The following RAPGEF6 variants were observed in gnomAD, a reference collection of about 807,000 sequenced individuals.
The protein encoded by RAPGEF6 is Rap guanine nucleotide exchange factor 6.
RAPGEF6 carries 56 observed loss-of-function variants against 171.4 expected under a neutral mutation model. The ratio of observed to expected loss-of-function variants is 0.33; its 90% confidence interval spans 0.26 to 0.41. The LOEUF (loss-of-function observed/expected upper bound fraction) is 0.41, where lower values mean the gene tolerates loss of function less well. RAPGEF6 is among the 10% of genes least tolerant of loss of function. The pLI, the probability that RAPGEF6 is intolerant of heterozygous loss-of-function variation, is 1.00. For synonymous variants in RAPGEF6, 692 were observed against 650.1 expected (o/e 1.06, Z -0.98); for missense variants, 1,674 against 1,921.4 (o/e 0.87, Z 2.41).
chr5:131,597,030 T>G (rs983731557), intron 3 of RAPGEF6, among the ~76,000 whole-genome samples: 1 of 151,268 alleles, frequency 6.6e-6, no homozygotes, highest in African/African-American at 2.4e-5. Context: ...AAAAACTTAA[T>G]AGCAAAAAAA....
At chr5:131,486,415 G>A (rs1273978040) in intron 15 of RAPGEF6, among the ~76,000 whole-genome samples, 4 of 152,186 alleles carry the variant, frequency 2.6e-5, no homozygotes, top group African/African-American at 9.7e-5. Flanking sequence ...GTAGAAAGTT[G>A]ACACAAGTTT....
At chr5:131,529,486 T>A (rs35771899) in intron 6 of RAPGEF6, among the ~76,000 whole-genome samples, 94,677 of 147,130 alleles carry the variant, frequency 0.64, 30,361 homozygotes, top group Middle Eastern at 0.77. Context: ...AAAAAAAAAA[T>A]AATAATCTCA....
chr5:131,593,422 T>G (rs745660490), intron 3 of RAPGEF6, among the ~76,000 whole-genome samples: 6 of 152,206 alleles, frequency 3.9e-5, no homozygotes, highest in Non-Finnish European at 8.8e-5. Context: ...ATACAAATTA[T>G]TAGTAATAGT....
At position 131,514,610 on chromosome 5, in the gene RAPGEF6, AAAAC is replaced by A. The variant is rs532581184; in HGVS notation, c.628-4123_628-4120del. Reference sequence around the variant, plus strand: ...CAAATAAGTTCAAGAATTTAGAAGAAAAACAATTAGAGGAAAAATGGATAATCTC... The same window carrying A: ...CAAATAAGTTCAAGAATTTAGAAGAAAATTAGAGGAAAAATGGATAATCTC... On this transcript the variant is annotated intron_variant, in intron 7 of 27. Transcript: ENST00000509018. 5.6e-3 allele frequency among the ~76,000 whole-genome samples: 850 copies of A among 152,298 alleles called. 26 individuals are homozygous for A. Among genetic ancestry groups the A allele is most frequent in the Middle Eastern group, 3.4e-3 (1 of 294 alleles).
chr5:131,620,855 G>A (rs1452441900), intron 1 of RAPGEF6, among the ~76,000 whole-genome samples: 1 of 152,186 alleles, frequency 6.6e-6, no homozygotes, highest in East Asian at 1.9e-4. Flanking sequence ...GCCTCTCAAA[G>A]TGCTGAGATT....
At chr5:131,520,953 T>C (rs778539672) in intron 7 of RAPGEF6, among the ~76,000 whole-genome samples, 10 of 152,194 alleles carry the variant, frequency 6.6e-5, no homozygotes, top group Non-Finnish European at 1.5e-4. Context: ...TAATTTGCTA[T>C]TTAATTCACG....
chr5:131,583,003 CAG>C (rs1561581704), intron 4 of RAPGEF6, among the ~76,000 whole-genome samples: 1 of 152,172 alleles, frequency 6.6e-6, no homozygotes, highest in Non-Finnish European at 1.5e-5. Context: ...ACATATTATG[CAG>C]AGAGATGAAA....
At chr5:131,516,402 T>G (rs1461131049) in intron 7 of RAPGEF6, among the ~76,000 whole-genome samples, 1 of 151,994 alleles carries the variant, frequency 6.6e-6, no homozygotes, top group South Asian at 2.1e-4. Context: ...GTGACTTGAG[T>G]TGACAAAAGA....
intron 3 of RAPGEF6, 74 bp from the exon 4 acceptor site, chr5:131,592,540 T>C: frequency 6.5e-6 from 10 of 1,527,492 alleles, no homozygotes; most frequent in Non-Finnish European, 8.8e-6. Context: ...CAATAAGAAA[T>C]ATATTCTGAT....
chr5:131,523,517 CTTAA>C (rs1277517348), intron 6 of RAPGEF6, among the ~76,000 whole-genome samples: 1 of 151,548 alleles, frequency 6.6e-6, no homozygotes, highest in African/African-American at 2.4e-5. Context: ...AACAAGTGGG[CTTAA>C]TTAAAGATTT....
At chr5:131,519,881 A>G (rs768707508) in intron 7 of RAPGEF6, among the ~76,000 whole-genome samples, 1 of 152,218 alleles carries the variant, frequency 6.6e-6, no homozygotes, top group Middle Eastern at 3.2e-3. Context: ...AGGGGCAGAA[A>G]GCATGAAGCC....
intron 6 of RAPGEF6, among the ~76,000 whole-genome samples, chr5:131,542,383 T>G (rs1034663890): frequency 1.3e-5 from 2 of 152,152 alleles, no homozygotes; most frequent in African/African-American, 4.8e-5. Flanking sequence ...CATTTAATCC[T>G]TTTACAAATC....
intron 1 of RAPGEF6, among the ~76,000 whole-genome samples, chr5:131,620,490 G>C (rs374870489): frequency 7.9e-5 from 12 of 152,082 alleles, no homozygotes; most frequent in African/African-American, 2.4e-4. Context: ...TTCTACTTTC[G>C]AAATATCTCC....
chr5:131,431,936 T>C (rs73786672), intron 25 of RAPGEF6, among the ~76,000 whole-genome samples: 3,291 of 152,262 alleles, frequency 0.022, 126 homozygotes, highest in African/African-American at 0.075. Flanking sequence ...AAGAATCATG[T>C]TTTATTTTTC....
Position 131,604,697 on chromosome 5 carries a change from T to G in RAPGEF6, c.70-4A>C, listed in dbSNP as rs750666329. On this transcript the variant is annotated splice_region_variant and splice_polypyrimidine_tract_variant and intron_variant, in intron 1 of 27. Coordinates refer to ENST00000509018, the MANE Select transcript of RAPGEF6 (RefSeq NM_016340.6). ...AAGAATAAATAGTATTTAAGTCCTG[T>G]GGAACAGAAGAAAAAAATTAGATTA... 1.3e-6 allele frequency: 2 copies of G among 1,599,456 alleles called. No homozygotes were observed. The highest frequency in any genetic ancestry group is 4.5e-5 in the East Asian group (2 of 44,638).
intron 7 of RAPGEF6, among the ~76,000 whole-genome samples, chr5:131,517,070 G>T (rs1279820385): frequency 1.3e-5 from 2 of 152,084 alleles, no homozygotes; most frequent in African/African-American, 4.8e-5. Context: ...CTAACAATTG[G>T]GTACACATGG....
At chr5:131,555,644 T>C (rs566807193) in intron 5 of RAPGEF6, among the ~76,000 whole-genome samples, 7 of 152,146 alleles carry the variant, frequency 4.6e-5, no homozygotes, top group African/African-American at 1.7e-4. Context: ...ATATTACCTA[T>C]ACATATATAA....
At chr5:131,537,105 T>A (rs1024112817) in intron 6 of RAPGEF6, among the ~76,000 whole-genome samples, 13 of 152,322 alleles carry the variant, frequency 8.5e-5, no homozygotes, top group South Asian at 8.3e-4. Flanking sequence ...TTATTCCCCT[T>A]CCAACTGGAA....
At chr5:131,532,184 T>C (rs1458137475) in intron 6 of RAPGEF6, 3 of 442,960 alleles carry the variant, frequency 6.8e-6, no homozygotes, top group Middle Eastern at 3.3e-4. Flanking sequence ...AGTTTCCTTT[T>C]CAAACCAGAG....
Sources: gnomAD v4.1 joint callset for allele counts (sites outside exome capture counted in the v4.1 genomes callset) on GRCh38, gnomAD v4.1.1 for gene constraint, MANE v1.5 for transcripts, NCBI Gene and HGNC (gene_info 2026-07-23, HGNC 2026-07-21) for gene names.